The following DAO variants were observed in gnomAD, a reference collection of about 807,000 sequenced individuals.
DAO encodes the protein D-amino acid oxidase.
DAO carries 51 observed loss-of-function variants against 50.1 expected under a neutral mutation model. That is an observed-to-expected ratio of 1.02 (90% CI 0.81 to 1.29). The LOEUF (loss-of-function observed/expected upper bound fraction) is 1.29. DAO is among the 50% of genes most tolerant of loss of function. DAO has a pLI of 0.00. For synonymous variants in DAO, 160 were observed against 166.2 expected (o/e 0.96, Z 0.29); for missense variants, 436 against 439.4 (o/e 0.99, Z 0.07).
In DAO at chr12:108,900,610, A is replaced by G. The variant is rs1040922099; in HGVS notation, c.*75A>G. On this transcript the variant is annotated 3_prime_UTR_variant, in exon 11 of 11. Coordinates refer to ENST00000228476, the MANE Select transcript of DAO (RefSeq NM_001917.5). ...AGCCAATGAATCAATGTGCTCCTTC[A>G]TAAGCCATTGCTTCTCCCTCACTTC... The G allele has an allele frequency of 1.5e-5, 23 of 1,573,176 alleles. 1 individual carries two copies. The South Asian group carries it at 2.1e-4, about 14-fold the overall frequency.
chr12:108,891,723 A>AAAG (rs1241538665), intron 5 of DAO, among the ~76,000 whole-genome samples: 1 of 151,850 alleles, frequency 6.6e-6, no homozygotes, highest in Non-Finnish European at 1.5e-5. Context: ...CTCAGCCTCC[A>AAAG]AAGTAGCTGG....
At chr12:108,885,308 T>C in intron 2 of DAO, 108 bp downstream of exon 2, 1 of 1,099,272 alleles carries the variant, frequency 9.1e-7, no homozygotes, top group Non-Finnish European at 1.4e-6. Context: ...AGCTCTGATC[T>C]AGCATAAAAT....
chr12:108,899,442 A>G lies in DAO; in HGVS notation c.879A>G (p.Arg293=). The G allele has an allele frequency of 6.2e-7, 1 of 1,613,904 alleles. No individual in the cohort carries two copies. The change falls in exon 10 of 11, where the codon AGA becomes AGG. Residue 293 remains arginine (R), a synonymous_variant. Transcript: ENST00000228476. Reference sequence around the variant, plus strand: ...TACGCCCCCAGATTCGGCTAGAAAGAGAACAGCTTCGCACTGGACCTTCAA... The same window carrying G: ...TACGCCCCCAGATTCGGCTAGAAAGGGAACAGCTTCGCACTGGACCTTCAA... ...RPVRPQIRLE[R]EQLRTGPSNT... is the part of the protein sequence containing the mutation.
intron 7 of DAO, among the ~76,000 whole-genome samples, chr12:108,894,634 T>A (rs2137358600): frequency 6.6e-6 from 1 of 152,262 alleles, no homozygotes; most frequent in East Asian, 1.9e-4. Context: ...TAGCAAACAT[T>A]AGAGTGTTTA....
intron 7 of DAO, among the ~76,000 whole-genome samples, chr12:108,896,010 G>A (rs141164439): frequency 1.3e-5 from 2 of 148,148 alleles, no homozygotes; most frequent in East Asian, 4.0e-4. Flanking sequence ...GTTCTCAGGA[G>A]ATTTAGTCTT....
At chr12:108,899,636 AGGCTCAATGAT>A (rs1224414670) in intron 10 of DAO, 161 bp downstream of exon 10, 1 of 701,902 alleles carries the variant, frequency 1.4e-6, no homozygotes, top group African/African-American at 1.8e-5. Flanking sequence ...GGGGAAACTG[AGGCTCAATGAT>A]GGTTAAGGAC....
In DAO at chr12:108,885,193, C is replaced by G. The variant is rs201040426; in HGVS notation, c.187C>G (p.Gln63Glu). 286 of 1,612,686 alleles carry G rather than the reference C, an allele frequency of 1.8e-4. No homozygotes were observed. The highest frequency in any genetic ancestry group is 2.2e-4 in the Non-Finnish European group (263 of 1,179,856). ...QPYLSDPNNP[Q>E]EADWSQQTFD... ...CTACCTTTCTGACCCCAACAACCCA[C>G]AGGAGGCGTGAGTGAGGGTCACATA... Residue 63 changes from glutamine (Q) to glutamate (E), a missense_variant, in exon 2 of 11, where the codon CAG becomes GAG. Physicochemically the swap from Gln to Glu is conservative, Grantham distance 29 (BLOSUM62 2). Coordinates refer to ENST00000228476, the MANE Select transcript of DAO (RefSeq NM_001917.5).
chr12:108,886,232 C>T (rs962402135), intron 2 of DAO, among the ~76,000 whole-genome samples: 1 of 151,566 alleles, frequency 6.6e-6, no homozygotes, highest in African/African-American at 2.4e-5. Context: ...CTATGTTACC[C>T]GGGCTGGTCT....
At position 108,887,566 on chromosome 12, in the gene DAO, T is replaced by C; in HGVS notation, c.309+2T>C. 6.2e-7 allele frequency: 1 copy of C among 1,606,834 alleles called. No homozygotes were observed. The stretch of plus-strand genomic sequence containing the variant: ...AACCTCTTCCATGAAGCCATTCCGG[T>C]GGGTGAACAGTTCTTGACCATGAGG... On this transcript the variant is annotated splice_donor_variant, in intron 3 of 10. Transcript: ENST00000228476. LOFTEE classifies it high-confidence loss of function.
chr12:108,887,895 G>A (rs889390773), intron 3 of DAO, among the ~76,000 whole-genome samples: 1 of 152,116 alleles, frequency 6.6e-6, no homozygotes, highest in Non-Finnish European at 1.5e-5. Context: ...GCCCCTGAAG[G>A]TCCCAAGGCT....
At chr12:108,881,676 C>T (rs1409714722) in intron 1 of DAO, among the ~76,000 whole-genome samples, 1 of 143,106 alleles carries the variant, frequency 7.0e-6, no homozygotes, top group Non-Finnish European at 1.5e-5. Flanking sequence ...ATGATTTCTG[C>T]CCACTGCAAT....
chr12:108,899,753 T>C (rs2039602055), intron 10 of DAO: 5 of 490,434 alleles, frequency 1.0e-5, no homozygotes, highest in African/African-American at 5.8e-5. Context: ...GTGGGGATGG[T>C]AGCTGGTGCT....
At chr12:108,882,180 G>C (rs1251810115) in intron 1 of DAO, among the ~76,000 whole-genome samples, 1 of 152,144 alleles carries the variant, frequency 6.6e-6, no homozygotes, top group Non-Finnish European at 1.5e-5. Flanking sequence ...TTCCAGTGAG[G>C]AGACAATAAG....
rs900257940 is a variant in DAO at position 108,880,152 on chromosome 12, T to G, written c.-82T>G. The G allele has an allele frequency of 2.2e-5, 10 of 456,694 alleles. 1 individual carries two copies. The Admixed American group carries it at 2.3e-4, about 11-fold the overall frequency. 28.3% of individuals were successfully genotyped at this position (456,694 alleles called of 1,614,324 possible). A position where few individuals can be genotyped will look rare whatever the true frequency, so the allele number is the denominator to read the frequency against. On this transcript the variant is annotated 5_prime_UTR_variant, in exon 1 of 11. Coordinates refer to ENST00000228476, the MANE Select transcript of DAO (RefSeq NM_001917.5). Reference sequence around the variant, plus strand: ...AACAAGACGCTCCAGAATCAGGAGCTTCCCCTCAGGAAATAGCATCCTGTG... The same window carrying G: ...AACAAGACGCTCCAGAATCAGGAGCGTCCCCTCAGGAAATAGCATCCTGTG...
intron 3 of DAO, among the ~76,000 whole-genome samples, chr12:108,888,113 C>G (rs1219676434): frequency 6.6e-6 from 1 of 152,158 alleles, no homozygotes; most frequent in Non-Finnish European, 1.5e-5. Flanking sequence ...CCACAGAGCT[C>G]GCCAGTGGCA....
intron 9 of DAO, 131 bp downstream of exon 9, chr12:108,898,927 T>C (rs2039592363): frequency 1.4e-6 from 1 of 723,318 alleles, no homozygotes; most frequent in Non-Finnish European, 2.5e-6. Context: ...ATGTGGAACA[T>C]AACAGAATTT....
intron 1 of DAO, among the ~76,000 whole-genome samples, chr12:108,884,361 C>T (rs888950440): frequency 6.6e-6 from 1 of 152,206 alleles, no homozygotes; most frequent in African/African-American, 2.4e-5. Flanking sequence ...CTCTGTAAGA[C>T]GGGACTGATA....
intron 1 of DAO, among the ~76,000 whole-genome samples, chr12:108,881,600 A>T (rs2039380853): frequency 9.6e-6 from 1 of 104,012 alleles, no homozygotes; most frequent in African/African-American, 4.3e-5. Context: ...TTTCCTTTTA[A>T]ATTTTTTTTT....
chr12:108,895,107 C>T (rs1398471690), intron 7 of DAO, among the ~76,000 whole-genome samples: 1 of 152,194 alleles, frequency 6.6e-6, no homozygotes, highest in Non-Finnish European at 1.5e-5. Flanking sequence ...GAAATTGAGG[C>T]ACAGAGGAGT....
Sources: allele counts gnomAD v4.1 joint callset (sites outside exome capture counted in the v4.1 genomes callset), GRCh38; gene constraint gnomAD v4.1.1; transcripts MANE v1.5; gene names NCBI Gene and HGNC (gene_info 2026-07-23, HGNC 2026-07-21).